Variants in ELP3 observed in about 807,000 individuals in gnomAD.
ELP3 encodes elongator complex protein 3.
In ELP3, 56 loss-of-function variants were observed where a neutral mutation model predicts 74.9. That is an observed-to-expected ratio of 0.75 (90% CI 0.60 to 0.93). The LOEUF is 0.93. Among genes scored for constraint, ELP3 ranks in the 40% least tolerant of loss-of-function variants. The pLI, the probability that ELP3 is intolerant of heterozygous loss-of-function variation, is 0.00. For synonymous variants in ELP3, 222 were observed against 239.8 expected (o/e 0.93, Z 0.68); for missense variants, 573 against 686.5 (o/e 0.83, Z 1.85).
At chr8:28,109,549 A>G (rs1811831250) in intron 5 of ELP3, among the ~76,000 whole-genome samples, 1 of 152,168 alleles carries the variant, frequency 6.6e-6, no homozygotes, top group Admixed American at 6.5e-5. Flanking sequence ...AATGCCTGGG[A>G]CCAGAAGTGT....
Position 28,097,278 on chromosome 8 carries a change from AT to A in ELP3, c.81del (p.Ile27MetfsTer12). 1 of 1,614,022 alleles carries A rather than the reference AT, an allele frequency of 6.2e-7. No homozygotes were observed. Among genetic ancestry groups the A allele is most frequent in the Non-Finnish European group, 8.5e-7 (1 of 1,179,944 alleles). ...TATAGGAGATGTTATTAAACAACTG[AT>A]TGAAGCCCACGAGCAGGGGAAAGAC... ...LTIGDVIKQLIEAHEQGKDID... is the reference protein window; with the variant it reads ...LTIGDVIKQLXEAHEQGKDID... On this transcript the variant is annotated frameshift_variant, in exon 2 of 15. Coordinates refer to ENST00000256398, the MANE Select transcript of ELP3 (RefSeq NM_018091.6). LOFTEE classifies it high-confidence loss of function.
intron 3 of ELP3, 72 bp downstream of exon 3, chr8:28,100,038 C>T (rs1811413620): frequency 3.1e-6 from 5 of 1,599,770 alleles, no homozygotes; most frequent in East Asian, 4.5e-5. Flanking sequence ...CTCCATGTGA[C>T]GCCCGTGTAG....
chr8:28,108,010 T>A (rs1255239897), intron 5 of ELP3, 34 bp downstream of exon 5: 1 of 1,567,430 alleles, frequency 6.4e-7, no homozygotes, highest in East Asian at 2.2e-5. Flanking sequence ...TGATGAAATG[T>A]TGCATCATGC....
chr8:28,169,506 C>G (rs1333145740), intron 14 of ELP3, among the ~76,000 whole-genome samples: 1 of 152,154 alleles, frequency 6.6e-6, no homozygotes, highest in Non-Finnish European at 1.5e-5. Flanking sequence ...CAGCTTGGTT[C>G]TTGTCCACCT....
At chr8:28,119,568 C>T (rs1338851664) in intron 7 of ELP3, among the ~76,000 whole-genome samples, 4 of 80,046 alleles carry the variant, frequency 5.0e-5, no homozygotes, top group Non-Finnish European at 6.9e-5. Context: ...CAACTTGTGG[C>T]GTTTTATATA....
Position 28,117,795 on chromosome 8 carries a change from C to T in ELP3, c.617+4622C>T, listed in dbSNP as rs76005635. ...TGTTAAGGTAAAGTTTTACTACAAA[C>T]CCCTCATAATAGAGTTTGTATTTGT... On this transcript the variant is annotated intron_variant, in intron 7 of 14. Transcript: ENST00000256398. Among the ~76,000 whole-genome samples the T allele has an allele frequency of 4.0e-3, 609 of 152,026 alleles. 1 individual carries two copies. The highest frequency in any genetic ancestry group is 0.031 in the Middle Eastern group (9 of 294).
chr8:28,106,841 C>T, intron 4 of ELP3, 58 bp downstream of exon 4: 4 of 1,306,072 alleles, frequency 3.1e-6, no homozygotes, highest in East Asian at 4.6e-5. Flanking sequence ...AAATATGCCC[C>T]CTCTAGCCCT....
chr8:28,165,893 A>G (rs983043080), intron 14 of ELP3, among the ~76,000 whole-genome samples: 5 of 152,210 alleles, frequency 3.3e-5, no homozygotes, highest in African/African-American at 1.2e-4. Flanking sequence ...TTTATAGCAG[A>G]TTATCTTTTT....
intron 14 of ELP3, among the ~76,000 whole-genome samples, chr8:28,174,563 ATTG>A (rs1290656201): frequency 2.0e-5 from 3 of 152,026 alleles, no homozygotes; most frequent in South Asian, 2.1e-4. Context: ...CCCCCTCTGT[ATTG>A]TTATTGTCAC....
intron 10 of ELP3, among the ~76,000 whole-genome samples, chr8:28,148,048 A>G (rs1400421157): frequency 3.3e-5 from 5 of 152,316 alleles, no homozygotes; most frequent in Non-Finnish European, 5.9e-5. Context: ...AATAGGAAAG[A>G]AGGGAAAAGT....
chr8:28,111,585 G>A (rs973600515), intron 6 of ELP3, among the ~76,000 whole-genome samples: 2 of 152,202 alleles, frequency 1.3e-5, no homozygotes, highest in African/African-American at 2.4e-5. Flanking sequence ...TCGGTGACAG[G>A]AGAGGACTCC....
intron 14 of ELP3, among the ~76,000 whole-genome samples, chr8:28,183,574 C>T (rs1310567976): frequency 1.3e-5 from 2 of 152,182 alleles, no homozygotes; most frequent in Admixed American, 1.3e-4. Context: ...CAGGCACTCA[C>T]CACCACACCC....
intron 7 of ELP3, among the ~76,000 whole-genome samples, chr8:28,124,814 CCA>C (rs1452776167): frequency 2.0e-5 from 3 of 152,136 alleles, no homozygotes; most frequent in African/African-American, 4.8e-5. Context: ...AGCTGCAGTG[CCA>C]CCAGGTTGGT....
intron 11 of ELP3, among the ~76,000 whole-genome samples, chr8:28,157,784 C>T (rs1813891556): frequency 6.6e-6 from 1 of 152,060 alleles, no homozygotes; most frequent in South Asian, 2.1e-4. Context: ...TTGTAAATGT[C>T]TGGTAGCATA....
chr8:28,136,299 A>G (rs1223127482), intron 9 of ELP3, among the ~76,000 whole-genome samples: 4 of 152,170 alleles, frequency 2.6e-5, no homozygotes, highest in South Asian at 2.1e-4. Flanking sequence ...GAAAGAAAAT[A>G]AACACTTTTT....
intron 7 of ELP3, among the ~76,000 whole-genome samples, chr8:28,123,134 A>G (rs1038395619): frequency 1.3e-5 from 2 of 152,110 alleles, no homozygotes; most frequent in African/African-American, 4.8e-5. Flanking sequence ...AAAAAAAGAG[A>G]AAAAAAGCTT....
chr8:28,136,618 C>G (rs934098299), intron 9 of ELP3, among the ~76,000 whole-genome samples: 4 of 152,128 alleles, frequency 2.6e-5, no homozygotes, highest in African/African-American at 4.8e-5. Flanking sequence ...CATTTAAGAA[C>G]GTGACAGATG....
At chr8:28,154,152 A>G (rs1272052605) in intron 10 of ELP3, among the ~76,000 whole-genome samples, 2 of 152,190 alleles carry the variant, frequency 1.3e-5, no homozygotes, top group Non-Finnish European at 2.9e-5. Context: ...TCCATGAGTT[A>G]TAGTGCTGTG....
chr8:28,165,313 A>T (rs1461576639), intron 14 of ELP3, among the ~76,000 whole-genome samples: 1 of 152,158 alleles, frequency 6.6e-6, no homozygotes, highest in East Asian at 1.9e-4. Context: ...CTTTAATTTC[A>T]TCAATAATAG....
Sources: allele counts gnomAD v4.1 joint callset (sites outside exome capture counted in the v4.1 genomes callset), GRCh38; gene constraint gnomAD v4.1.1; transcripts MANE v1.5; gene names NCBI Gene and HGNC (gene_info 2026-07-23, HGNC 2026-07-21).